Variants in KATNAL2 observed in about 807,000 individuals in gnomAD.
The protein encoded by KATNAL2 is katanin p60 ATPase-containing subunit A-like 2.
Under a neutral mutation model 76.3 loss-of-function variants are expected in KATNAL2, and 52 were observed. That is an observed-to-expected ratio of 0.68 (90% CI 0.55 to 0.86). The LOEUF is 0.86. Among genes scored for constraint, KATNAL2 ranks in the 40% least tolerant of loss-of-function variants. The probability of loss-of-function intolerance (pLI) is 0.00; values close to 1 mark genes in which losing one functional copy is unlikely to be tolerated. For missense variants in KATNAL2, 660 were observed against 668.9 expected, an observed-to-expected ratio of 0.99 and a Z score of 0.15; for synonymous variants, 243 against 244.2, an observed-to-expected ratio of 1.00 and a Z score of 0.05.
intron 3 of KATNAL2, chr18:47,033,102 C>A (rs192545475): frequency 2.5e-6 from 4 of 1,614,118 alleles, no homozygotes; most frequent in Non-Finnish European, 3.4e-6. Flanking sequence ...CCGCGGGCGC[C>A]GCGTGCTCAT....
rs142263566 is a variant in KATNAL2 at position 47,034,765 on chromosome 18, C to T, written c.52-11692C>T. On this transcript the variant is annotated intron_variant, in intron 3 of 17. Transcript: ENST00000683218. ...TGTGCGCGTTGGAGAGGCCCGATAG[C>T]GGCCGGAATCAGCTGGGGCTATTCT... The T allele has an allele frequency of 1.2e-5, 19 of 1,611,150 alleles. No homozygotes were observed. The African/African-American group carries it at 1.7e-4, about 15-fold the overall frequency.
At chr18:46,933,424 A>T (rs1330616649) in intron 1 of KATNAL2, among the ~76,000 whole-genome samples, 2 of 152,190 alleles carry the variant, frequency 1.3e-5, no homozygotes, top group African/African-American at 4.8e-5. Flanking sequence ...CATGCTCCAT[A>T]TTTAATATGA....
chr18:47,089,994 C>T (rs1260486481), intron 15 of KATNAL2, among the ~76,000 whole-genome samples: 1 of 152,128 alleles, frequency 6.6e-6, no homozygotes. Context: ...CACCATGTTG[C>T]CAAGGCTAGT....
intron 3 of KATNAL2, among the ~76,000 whole-genome samples, chr18:46,960,938 C>T (rs2146795223): frequency 6.6e-6 from 1 of 152,298 alleles, no homozygotes; most frequent in East Asian, 1.9e-4. Flanking sequence ...GTCTTAAGAA[C>T]TGAGCTCCCT....
At chr18:47,095,046 C>T (rs2063169574) in intron 15 of KATNAL2, among the ~76,000 whole-genome samples, 1 of 152,182 alleles carries the variant, frequency 6.6e-6, no homozygotes, top group South Asian at 2.1e-4. Flanking sequence ...ACTTTCTTTA[C>T]TGCTGATTTA....
chr18:47,076,805 A>G (rs932284918), intron 14 of KATNAL2, among the ~76,000 whole-genome samples: 2 of 148,100 alleles, frequency 1.4e-5, no homozygotes, highest in African/African-American at 4.9e-5. Flanking sequence ...AATTATATAT[A>G]TATATATATA....
intron 1 of KATNAL2, among the ~76,000 whole-genome samples, chr18:46,932,700 A>G (rs948083036): frequency 2.8e-5 from 4 of 144,570 alleles, no homozygotes; most frequent in Non-Finnish European, 6.0e-5. Flanking sequence ...AAAAAAAAGC[A>G]TTCTTCACTC....
intron 1 of KATNAL2, among the ~76,000 whole-genome samples, chr18:46,942,955 G>A (rs1371887004): frequency 6.6e-6 from 1 of 152,048 alleles, no homozygotes. Flanking sequence ...AGGCAGATAA[G>A]TTACTTGCAG....
chr18:47,069,735 C>T (rs2061931013), intron 13 of KATNAL2, 135 bp downstream of exon 13: 3 of 586,626 alleles, frequency 5.1e-6, no homozygotes, highest in South Asian at 2.6e-5. Context: ...TGATTACCAG[C>T]AGCTTGGGAA....
At chr18:47,031,512 G>T (rs1349243443) in intron 3 of KATNAL2, among the ~76,000 whole-genome samples, 1 of 152,074 alleles carries the variant, frequency 6.6e-6, no homozygotes, top group East Asian at 1.9e-4. Context: ...TGGGGATTCG[G>T]GTGTTAAGCC....
At chr18:46,931,641 A>G (rs2058925483) in intron 1 of KATNAL2, among the ~76,000 whole-genome samples, 1 of 151,696 alleles carries the variant, frequency 6.6e-6, no homozygotes, top group Non-Finnish European at 1.5e-5. Flanking sequence ...CAACAGAGCA[A>G]GACTGTCAGA....
At position 47,034,653 on chromosome 18, in the gene KATNAL2, C is replaced by T; in HGVS notation, c.52-11804C>T. On this transcript the variant is annotated intron_variant, in intron 3 of 17. Coordinates refer to ENST00000683218, the MANE Select transcript of KATNAL2 (RefSeq NM_001387690.1). Reference sequence around the variant, plus strand: ...CCTGGCAGCCTGGACACAGCAGAGGCCCGCCCTGAGCCGCGTGAGTGTGGC... The same window carrying T: ...CCTGGCAGCCTGGACACAGCAGAGGTCCGCCCTGAGCCGCGTGAGTGTGGC... 1.2e-6 allele frequency: 2 copies of T among 1,613,826 alleles called. 1 individual carries two copies. Among genetic ancestry groups the T allele is most frequent in the Middle Eastern group, 3.4e-4 (2 of 5,922 alleles).
At chr18:47,071,853 G>C (rs1477109903) in intron 13 of KATNAL2, among the ~76,000 whole-genome samples, 1 of 144,010 alleles carries the variant, frequency 6.9e-6, no homozygotes. Flanking sequence ...TATTTTGTTA[G>C]GATTCTAAGA....
chr18:47,079,161 ATTATG>A (rs781587954), intron 15 of KATNAL2, among the ~76,000 whole-genome samples: 126 of 152,282 alleles, frequency 8.3e-4, no homozygotes, highest in Non-Finnish European at 1.6e-3. Context: ...ATATTCAACT[ATTATG>A]TTATTTCTCA....
Position 47,073,955 on chromosome 18 carries a change from T to A in KATNAL2, c.1009-1322T>A, listed in dbSNP as rs191283186. On this transcript the variant is annotated intron_variant, in intron 13 of 17. Coordinates refer to ENST00000683218, the MANE Select transcript of KATNAL2 (RefSeq NM_001387690.1). ...TGGTCTAGCAGAGGCTCTTGGTCTC[T>A]CTTTGCCTTTAGTGAGCACCTTAAA... is the stretch of plus-strand genomic sequence containing the variant. Among the ~76,000 whole-genome samples the A allele has an allele frequency of 2.4e-3, 373 of 152,332 alleles. 3 individuals carry two copies. Among genetic ancestry groups the A allele is most frequent in the African/African-American group, 8.7e-3 (361 of 41,574 alleles).
chr18:47,068,303 G>A (rs1311379410), intron 11 of KATNAL2, among the ~76,000 whole-genome samples: 3 of 152,198 alleles, frequency 2.0e-5, no homozygotes, highest in African/African-American at 4.8e-5. Context: ...CTGAGCCCAT[G>A]TGGCCCCTGA....
At chr18:47,047,137 T>C (rs937494953) in intron 4 of KATNAL2, among the ~76,000 whole-genome samples, 1 of 152,144 alleles carries the variant, frequency 6.6e-6, no homozygotes, top group African/African-American at 2.4e-5. Flanking sequence ...TCCATGCTGG[T>C]CTCAAATTCC....
At chr18:47,094,867 G>A (rs1249305400) in intron 15 of KATNAL2, among the ~76,000 whole-genome samples, 1 of 152,180 alleles carries the variant, frequency 6.6e-6, no homozygotes, top group Non-Finnish European at 1.5e-5. Flanking sequence ...AGGTATGGGA[G>A]AGGCAGTTCC....
intron 3 of KATNAL2, chr18:47,034,425 C>G (rs1312674406): frequency 6.2e-7 from 1 of 1,614,090 alleles, no homozygotes; most frequent in Non-Finnish European, 8.5e-7. Context: ...CCTTGTCTGT[C>G]TTGAAGTCCG....
Sources: allele counts gnomAD v4.1 joint callset (sites outside exome capture counted in the v4.1 genomes callset), GRCh38; gene constraint gnomAD v4.1.1; transcripts MANE v1.5; gene names NCBI Gene and HGNC (gene_info 2026-07-23, HGNC 2026-07-21).